The following AKT1S1 variants were observed in gnomAD, a reference collection of about 807,000 sequenced individuals.
AKT1S1 encodes proline-rich AKT1 substrate 1.
AKT1S1 carries 17 observed loss-of-function variants against 21.2 expected under a neutral mutation model. The observed-to-expected ratio is 0.80, with a 90% CI of 0.55 to 1.20. AKT1S1 has a LOEUF of 1.20. AKT1S1 is among the 50% of genes most tolerant of loss of function. The pLI, the probability that AKT1S1 is intolerant of heterozygous loss-of-function variation, is 0.00. For missense variants in AKT1S1, 366 were observed against 368.3 expected, an observed-to-expected ratio of 0.99 and a Z score of 0.05; for synonymous variants, 181 against 165.6, an observed-to-expected ratio of 1.09 and a Z score of -0.72.
rs922610252 is a variant in AKT1S1, at chr19:49,870,058, G to A, written c.630C>T (p.Pro210=). ...CGATGCGGTCCAGGTCGGGCGAAGA[G>A]GGCTGCGGGGACGGCGACGGGGCGA... is the stretch of plus-strand genomic sequence containing the variant. ...ARSSDEENGP[P]SSPDLDRIAA... is the part of the protein sequence containing the mutation. The change falls in exon 5 of 5, where the codon CCC becomes CCT. Residue 210 remains proline (P), a splice_region_variant and synonymous_variant. Transcript: ENST00000344175. 6 of 1,528,186 alleles carry A rather than the reference G, an allele frequency of 3.9e-6. No individual in the cohort carries two copies. The African/African-American group carries it at 8.5e-5, about 22-fold the overall frequency. The allele number at this position is 1,528,186 out of a possible 1,614,324, so 94.7% of individuals were successfully genotyped here.
rs1486341518 is a variant in AKT1S1, at chr19:49,871,681, G to C, written c.493C>G (p.Pro165Ala). 1 of 1,613,304 alleles carries C rather than the reference G, an allele frequency of 6.2e-7. No homozygotes were observed. The highest frequency in any genetic ancestry group is 1.1e-5 in the South Asian group (1 of 91,068). The change falls in exon 4 of 5, where the codon CCC becomes GCC. Residue 165 changes from proline (P) to alanine (A), a missense_variant. Transcript: ENST00000344175. Reference sequence around the variant, plus strand: ...GAGGCTGGGGGCACTGAGCAGGTGGGGGGGCCGGCGGGGGTCTCCTCGCTC... The same window carrying C: ...GAGGCTGGGGGCACTGAGCAGGTGGCGGGGCCGGCGGGGGTCTCCTCGCTC... ...SLSEETPAGP[P>A]TCSVPPASAL... is the part of the protein sequence containing the mutation.
At chr19:49,878,007 C>A (rs1452971803), upstream of AKT1S1, 1 of 808,538 alleles carries the variant, frequency 1.2e-6, no homozygotes, top group Non-Finnish European at 1.9e-6. Flanking sequence ...GACCATTCTC[C>A]CCGCCTTGGT....
chr19:49,872,901 G>GCCTC lies in AKT1S1; in HGVS notation c.379+15_379+16insGAGG. ...CAAGCGCTGGGCCGCACCCGCCCCT[G>GCCTC]CCCCCACCCTCTCACCTCCATTATC... is the stretch of plus-strand genomic sequence containing the variant. On this transcript the variant is annotated intron_variant, in intron 2 of 4. Coordinates refer to ENST00000344175, the MANE Select transcript of AKT1S1 (RefSeq NM_001098633.4). The GCCTC allele has an allele frequency of 6.3e-7, 1 of 1,590,962 alleles. No individual in the cohort carries two copies.
In AKT1S1 at chr19:49,869,848, C is replaced by T. The variant is rs2074862763; in HGVS notation, c.*69G>A. On this transcript the variant is annotated 3_prime_UTR_variant, in exon 5 of 5. Coordinates refer to ENST00000344175, the MANE Select transcript of AKT1S1 (RefSeq NM_001098633.4). Reference sequence around the variant, plus strand: ...CCGGATCGGCCTCAGATTAGCAGGCCCCGGGAGTGGGGCGGGGGCGTAGTG... The same window carrying T: ...CCGGATCGGCCTCAGATTAGCAGGCTCCGGGAGTGGGGCGGGGGCGTAGTG... 7.3e-7 allele frequency: 1 copy of T among 1,362,838 alleles called. No individual in the cohort carries two copies. The highest frequency in any genetic ancestry group is 9.6e-7 in the Non-Finnish European group (1 of 1,039,952). The allele number at this position is 1,362,838 out of a possible 1,614,324, so 84.4% of individuals were successfully genotyped here.
Position 49,874,691 on chromosome 19 carries a change from C to T in AKT1S1, c.-7-1389G>A, listed in dbSNP as rs564508390. Reference sequence around the variant, plus strand: ...AAACCTGCTGTGTGACCTTAGATGGCTCACTGGCCCTCTCTGTGCCTCATT... The same window carrying T: ...AAACCTGCTGTGTGACCTTAGATGGTTCACTGGCCCTCTCTGTGCCTCATT... On this transcript the variant is annotated intron_variant, in intron 1 of 4. Transcript: ENST00000344175. 5.9e-5 allele frequency: 9 copies of T among 152,400 alleles called. 1 individual carries two copies. The highest frequency in any genetic ancestry group is 1.0e-4 in the Non-Finnish European group (7 of 68,078). 9.4% of individuals were successfully genotyped at this position (152,400 alleles called of 1,614,324 possible). A position where few individuals can be genotyped will look rare whatever the true frequency, so the allele number is the denominator to read the frequency against.
chr19:49,874,238 A>G (rs1174310548), intron 1 of AKT1S1: 2 of 152,336 alleles, frequency 1.3e-5, no homozygotes, highest in Non-Finnish European at 2.9e-5. Context: ...AGGGGGTCCC[A>G]CACTGTCTGA....
Position 49,877,326 on chromosome 19 carries a change from G to C in AKT1S1, c.-97C>G. The C allele has an allele frequency of 4.3e-6, 1 of 230,102 alleles. No homozygotes were observed. The highest frequency in any genetic ancestry group is 1.0e-4 in the East Asian group (1 of 9,736). The allele number at this position is 230,102 out of a possible 1,614,324, so 14.3% of individuals were successfully genotyped here. The stretch of plus-strand genomic sequence containing the variant: ...CGTATTAACATGGCCTTAGCTGACC[G>C]GCTTAGGCCATGCCCTCGAGCAAAA... On this transcript the variant is annotated 5_prime_UTR_variant, in exon 1 of 5. Coordinates refer to ENST00000344175, the MANE Select transcript of AKT1S1 (RefSeq NM_001098633.4).
At chr19:49,870,160 G>C in intron 4 of AKT1S1, 100 bp from the exon 5 acceptor site, 1 of 1,279,552 alleles carries the variant, frequency 7.8e-7, no homozygotes. Context: ...CCCACTTCTA[G>C]CACGTCCCTG....
Position 49,873,166 on chromosome 19 carries a change from A to G in AKT1S1, c.130T>C (p.Cys44Arg). ...APPPPPRPGP[C>R]AYAAHGRGAL... ...CCTCGACCATGGGCAGCATAGGCAC[A>G]GGGGCCCGGGCGGGGTGGTGGCGGC... Residue 44 changes from cysteine to arginine, a missense_variant, in exon 2 of 5, where the codon TGT becomes CGT. Coordinates refer to ENST00000344175, the MANE Select transcript of AKT1S1 (RefSeq NM_001098633.4). The surrounding 1 kb of genome is among the most constrained non-coding windows in gnomAD (Gnocchi z 6.9). The G allele has an allele frequency of 1.3e-6, 2 of 1,535,614 alleles. No individual in the cohort carries two copies. Among genetic ancestry groups the G allele is most frequent in the African/African-American group, 1.4e-5 (1 of 72,920 alleles).
In AKT1S1 at chr19:49,873,273, T is replaced by C; in HGVS notation, c.23A>G (p.Glu8Gly). 1 of 1,520,702 alleles carries C rather than the reference T, an allele frequency of 6.6e-7. No individual in the cohort carries two copies. The highest frequency in any genetic ancestry group is 8.7e-7 in the Non-Finnish European group (1 of 1,144,170). 94.2% of individuals were successfully genotyped at this position (1,520,702 alleles called of 1,614,324 possible). MASGRPEELWEAVVGAAE... is the reference protein window; with the variant it reads MASGRPEGLWEAVVGAAE... ...GGCCCCCACCACGGCCTCCCACAGC[T>C]CCTCGGGGCGCCCCGACGCCATCCG... Residue 8 changes from glutamate to glycine, a missense_variant, in exon 2 of 5, where the codon GAG becomes GGG. Coordinates refer to ENST00000344175, the MANE Select transcript of AKT1S1 (RefSeq NM_001098633.4). The surrounding 1 kb of genome is among the most constrained non-coding windows in gnomAD (Gnocchi z 6.9).
In AKT1S1 at chr19:49,873,512, C is replaced by G; in HGVS notation, c.-7-210G>C. 14 of 920,164 alleles carry G rather than the reference C, an allele frequency of 1.5e-5. 1 individual carries two copies. The highest frequency in any genetic ancestry group is 2.1e-5 in the Non-Finnish European group (14 of 670,102). 57.0% of individuals were successfully genotyped at this position (920,164 alleles called of 1,614,324 possible). ...CCCAGACCCTGGCGACGTCCTCTGC[C>G]CCAACCCATTCCTCCTGCCCCAAGT... is the stretch of plus-strand genomic sequence containing the variant. On this transcript the variant is annotated intron_variant, in intron 1 of 4. Transcript: ENST00000344175. The surrounding 1 kb of genome is among the most constrained non-coding windows in gnomAD (Gnocchi z 6.9).
chr19:49,877,509 A>G, upstream of AKT1S1: 1 of 551,292 alleles, frequency 1.8e-6, no homozygotes, highest in East Asian at 3.1e-5. Context: ...CCGTAGCCGG[A>G]TCCACCTTCA....
intron 2 of AKT1S1, 56 bp from the exon 3 acceptor site, chr19:49,871,945 G>A: frequency 6.4e-7 from 1 of 1,568,390 alleles, no homozygotes; most frequent in South Asian, 1.1e-5. Flanking sequence ...CATGCTCCAT[G>A]TGTCCTCCTC....
At position 49,869,867 on chromosome 19, in the gene AKT1S1, C is replaced by G; in HGVS notation, c.*50G>C. Reference sequence around the variant, plus strand: ...GCAGGCCCCGGGAGTGGGGCGGGGGCGTAGTGTGGGACGGGGCGGACGCGG... The same window carrying G: ...GCAGGCCCCGGGAGTGGGGCGGGGGGGTAGTGTGGGACGGGGCGGACGCGG... On this transcript the variant is annotated 3_prime_UTR_variant, in exon 5 of 5. Coordinates refer to ENST00000344175, the MANE Select transcript of AKT1S1 (RefSeq NM_001098633.4). 1.4e-6 allele frequency: 2 copies of G among 1,411,342 alleles called. No individual in the cohort carries two copies. Among genetic ancestry groups the G allele is most frequent in the Non-Finnish European group, 1.9e-6 (2 of 1,065,890 alleles). 87.4% of individuals were successfully genotyped at this position (1,411,342 alleles called of 1,614,324 possible).
intron 1 of AKT1S1, chr19:49,876,750 C>T: frequency 1.5e-6 from 2 of 1,355,480 alleles, no homozygotes; most frequent in Non-Finnish European, 1.9e-6. Context: ...AGATGGCGGC[C>T]ACAGGGGCTT....
rs778991524 is a variant in AKT1S1, at chr19:49,870,077, G to C, written c.628-17C>G. On this transcript the variant is annotated splice_polypyrimidine_tract_variant and intron_variant, in intron 4 of 4. Transcript: ENST00000344175. Reference sequence around the variant, plus strand: ...CGAAGAGGGCTGCGGGGACGGCGACGGGGCGAGGTCAGCGCCGGCAGGGCA... The same window carrying C: ...CGAAGAGGGCTGCGGGGACGGCGACCGGGCGAGGTCAGCGCCGGCAGGGCA... 1.3e-6 allele frequency: 2 copies of C among 1,509,902 alleles called. No homozygotes were observed. The highest frequency in any genetic ancestry group is 2.5e-5 in the South Asian group (2 of 80,338). 93.5% of individuals were successfully genotyped at this position (1,509,902 alleles called of 1,614,324 possible).
chr19:49,875,946 C>T, intron 1 of AKT1S1: 2 of 985,370 alleles, frequency 2.0e-6, no homozygotes, highest in Middle Eastern at 5.2e-4. Flanking sequence ...CCCCGATAGA[C>T]GAGTTTCGTG....
intron 1 of AKT1S1, chr19:49,876,616 G>C (rs902085371): frequency 1.0e-5 from 16 of 1,532,380 alleles, no homozygotes; most frequent in African/African-American, 1.4e-5. Context: ...CCCGTAGCCA[G>C]CATGGCCGGC....
At chr19:49,872,131 A>G (rs1425522228) in intron 2 of AKT1S1, among the ~76,000 whole-genome samples, 1 of 152,210 alleles carries the variant, frequency 6.6e-6, no homozygotes, top group Non-Finnish European at 1.5e-5. Context: ...TGCTAACATG[A>G]AACCTCTACG....
Sources: allele counts gnomAD v4.1 joint callset (sites outside exome capture counted in the v4.1 genomes callset), GRCh38; gene constraint gnomAD v4.1.1; non-coding constraint Gnocchi (gnomAD v3.1); transcripts MANE v1.5; gene names NCBI Gene and HGNC (gene_info 2026-07-23, HGNC 2026-07-21).